The following NSUN4 variants were observed in gnomAD, a reference collection of about 807,000 sequenced individuals.
NSUN4 encodes 5-cytosine rRNA methyltransferase NSUN4.
A neutral mutation model predicts 43.8 loss-of-function variants in NSUN4; 31 were observed. That is an observed-to-expected ratio of 0.71 (90% CI 0.53 to 0.96). The LOEUF (loss-of-function observed/expected upper bound fraction) is 0.96. NSUN4 is among the 40% of genes least tolerant of loss of function. The probability of loss-of-function intolerance (pLI) is 0.00; values close to 1 mark genes in which losing one functional copy is unlikely to be tolerated. For synonymous variants in NSUN4, 167 were observed against 184.1 expected (o/e 0.91, Z 0.75); for missense variants, 439 against 475.6 (o/e 0.92, Z 0.72).
At chr1:46,341,030 AAC>A in intron 1 of NSUN4, 111 bp downstream of exon 1, 1 of 1,201,422 alleles carries the variant, frequency 8.3e-7, no homozygotes, top group Non-Finnish European at 1.2e-6. Flanking sequence ...CACTCCACGG[AAC>A]GTCCTTAGGC....
the NSUN4 span, among the ~76,000 whole-genome samples, chr1:46,383,957 C>T: frequency 3.3e-5 from 5 of 152,060 alleles, no homozygotes; most frequent in South Asian, 2.1e-4. Flanking sequence ...GCTGCTGTGT[C>T]GTTCACCTAT....
the NSUN4 span, among the ~76,000 whole-genome samples, chr1:46,376,096 TAAAAAAAAAAAAAAAA>T: frequency 2.4e-5 from 1 of 40,870 alleles, no homozygotes; most frequent in African/African-American, 1.2e-4. Flanking sequence ...AGAGCGAAAC[TAAAAAAAAAAAAAAAA>T]AAAAAAAAAA....
chr1:46,379,570 G>A, the NSUN4 span, among the ~76,000 whole-genome samples: 58 of 152,220 alleles, frequency 3.8e-4, no homozygotes, highest in Non-Finnish European at 7.5e-4. Flanking sequence ...AGCTGAGATC[G>A]CACCACTGCA....
chr1:46,383,698 G>A, the NSUN4 span, among the ~76,000 whole-genome samples: 17 of 151,786 alleles, frequency 1.1e-4, no homozygotes, highest in East Asian at 1.2e-3. Flanking sequence ...CTCATGATCC[G>A]CCCGCCTCTG....
intron 5 of NSUN4, 109 bp downstream of exon 5, chr1:46,360,937 G>A: frequency 8.0e-7 from 1 of 1,243,594 alleles, no homozygotes; most frequent in Non-Finnish European, 1.2e-6. Context: ...CTTATGGCTG[G>A]AGATCTGCCT....
the NSUN4 span, among the ~76,000 whole-genome samples, chr1:46,383,944 T>A: frequency 2.6e-5 from 4 of 152,226 alleles, no homozygotes; most frequent in Non-Finnish European, 5.9e-5. Context: ...GCATGTGGCC[T>A]CTGCTGCTGT....
At chr1:46,376,285 C>G in the NSUN4 span, among the ~76,000 whole-genome samples, 1 of 151,186 alleles carries the variant, frequency 6.6e-6, no homozygotes, top group African/African-American at 2.4e-5. Context: ...GGTGGGGCAC[C>G]TGTAATTCCA....
downstream of NSUN4, among the ~76,000 whole-genome samples, chr1:46,366,511 A>T (rs1664135606): frequency 1.3e-5 from 2 of 152,098 alleles, no homozygotes; most frequent in Admixed American, 1.3e-4. Flanking sequence ...ATAAACAAAG[A>T]TTATGATTAA....
At chr1:46,342,525 A>G (rs894517689) in intron 1 of NSUN4, 5 of 398,966 alleles carry the variant, frequency 1.3e-5, no homozygotes, top group African/African-American at 6.2e-5. Flanking sequence ...GAAGGCTTGC[A>G]TTGAGTCCCT....
chr1:46,354,581 G>C (rs1322071543), intron 4 of NSUN4, among the ~76,000 whole-genome samples: 1 of 152,008 alleles, frequency 6.6e-6, no homozygotes, highest in Non-Finnish European at 1.5e-5. Flanking sequence ...GAAACTGAAA[G>C]AAAGACCAAG....
chr1:46,365,115 T>G (rs1227916496), downstream of NSUN4: 3 of 152,232 alleles, frequency 2.0e-5, no homozygotes, highest in Non-Finnish European at 4.4e-5. Context: ...TCTTTGGTGT[T>G]TGACTTCTTT....
intron 3 of NSUN4, among the ~76,000 whole-genome samples, chr1:46,352,309 G>A (rs1479027070): frequency 3.9e-5 from 6 of 152,014 alleles, no homozygotes; most frequent in Admixed American, 6.6e-5. Flanking sequence ...AAAATTAGCC[G>A]GGTATAGTGG....
rs899565186 is a variant in NSUN4, at chr1:46,345,150, A to T, written c.437+6A>T. ...AGTCGCTTCCCTCCTGCCAGGTAGG[A>T]TCTGGAGCCATGACTGGAGCGGTCC... On this transcript the variant is annotated splice_donor_region_variant and intron_variant, in intron 2 of 5. Coordinates refer to ENST00000474844, the MANE Select transcript of NSUN4 (RefSeq NM_199044.4). 1.6e-5 allele frequency: 26 copies of T among 1,589,130 alleles called. No homozygotes were observed. Among genetic ancestry groups the T allele is most frequent in the Non-Finnish European group, 2.2e-5 (26 of 1,167,994 alleles).
chr1:46,374,262 G>A, the NSUN4 span, among the ~76,000 whole-genome samples: 1 of 131,336 alleles, frequency 7.6e-6, no homozygotes, highest in Admixed American at 8.1e-5. Flanking sequence ...CTCCAACCTG[G>A]GCAACAAGAG....
At chr1:46,350,834 A>G (rs1394688933) in intron 3 of NSUN4, among the ~76,000 whole-genome samples, 1 of 152,180 alleles carries the variant, frequency 6.6e-6, no homozygotes, top group East Asian at 1.9e-4. Flanking sequence ...CCTCCCTTTA[A>G]GAGGGAGAAG....
chr1:46,352,908 C>T lies in NSUN4; in HGVS notation c.633C>T (p.Ala211=). 6.2e-7 allele frequency: 1 copy of T among 1,614,172 alleles called. No homozygotes were observed. The highest frequency in any genetic ancestry group is 1.1e-5 in the South Asian group (1 of 91,086). Residue 211 remains alanine, a synonymous_variant, in exon 4 of 6, where the codon GCC becomes GCT. Transcript: ENST00000474844. ...ATGATCTCTCCCCGTCCCGAATAGCCAGACTACAGAAGATCCTTCACAGCT... is the reference window on the plus strand; with the variant it reads ...ATGATCTCTCCCCGTCCCGAATAGCTAGACTACAGAAGATCCTTCACAGCT... ...AANDLSPSRI[A]RLQKILHSYV...
intron 3 of NSUN4, among the ~76,000 whole-genome samples, chr1:46,350,956 CTCATT>C (rs1662931025): frequency 6.6e-6 from 1 of 152,218 alleles, no homozygotes; most frequent in Admixed American, 6.5e-5. Context: ...GCAAAAGAGA[CTCATT>C]TCATCTCCCA....
the NSUN4 span, among the ~76,000 whole-genome samples, chr1:46,374,104 C>T: frequency 4.0e-5 from 6 of 151,534 alleles, no homozygotes; most frequent in African/African-American, 1.2e-4. Flanking sequence ...TTGCGCAACA[C>T]GGTGAAACCC....
chr1:46,383,939 T>C, the NSUN4 span, among the ~76,000 whole-genome samples: 1 of 152,192 alleles, frequency 6.6e-6, no homozygotes, highest in Non-Finnish European at 1.5e-5. Context: ...CTGATGCATG[T>C]GGCCTCTGCT....
Sources: allele counts gnomAD v4.1 joint callset (sites outside exome capture counted in the v4.1 genomes callset), GRCh38; gene constraint gnomAD v4.1.1; transcripts MANE v1.5; gene names NCBI Gene and HGNC (gene_info 2026-07-23, HGNC 2026-07-21).